PAK3: variants seen among roughly 807,000 people sequenced by gnomAD.
The protein encoded by PAK3 is p21 (RAC1) activated kinase 3, also known as serine/threonine-protein kinase PAK 3.
In PAK3, 4 loss-of-function variants were observed where a neutral mutation model predicts 41.0. The ratio of observed to expected loss-of-function variants is 0.10; its 90% CI spans 0.05 to 0.22. The LOEUF (loss-of-function observed/expected upper bound fraction) is 0.22, where lower values mean the gene tolerates loss of function less well. Ranked by LOEUF, PAK3 falls within the 10% of genes least tolerant of loss-of-function variation. The pLI, the probability that PAK3 is intolerant of heterozygous loss-of-function variation, is 1.00. For synonymous variants in PAK3, 146 were observed against 139.6 expected (o/e 1.05, Z -0.32); for missense variants, 205 against 409.9 (o/e 0.50, Z 4.32).
chrX:111,041,404 C>T (rs1356463214), intron 1 of PAK3, among the ~76,000 whole-genome samples: 2 of 111,638 alleles, frequency 1.8e-5, no homozygotes, highest in African/African-American at 6.5e-5. Context: ...TCTCCTGGGG[C>T]AGAGATTGCC....
At chrX:111,038,324 G>A (rs765119665) in intron 1 of PAK3, among the ~76,000 whole-genome samples, 46 of 112,304 alleles carry the variant, frequency 4.1e-4, no homozygotes, top group Non-Finnish European at 6.9e-4. Flanking sequence ...TGACTTTGGA[G>A]AAGTTCCTTT....
chrX:111,188,507 TA>T (rs1308965124), intron 11 of PAK3, among the ~76,000 whole-genome samples: 1 of 111,465 alleles, frequency 9.0e-6, no homozygotes, highest in Admixed American at 9.5e-5. Context: ...ACCACTTCCC[TA>T]GGGGGGGAGA....
At chrX:111,165,325 A>T (rs1051296733) in intron 10 of PAK3, among the ~76,000 whole-genome samples, 2 of 111,797 alleles carry the variant, frequency 1.8e-5, no homozygotes, top group African/African-American at 3.2e-5. Context: ...ATTCTCATTT[A>T]TTGGGCACCT....
At chrX:111,014,451 G>A (rs898193526) in intron 1 of PAK3, among the ~76,000 whole-genome samples, 2 of 111,569 alleles carry the variant, frequency 1.8e-5, no homozygotes, top group African/African-American at 6.5e-5. Context: ...TGAGAAAGTA[G>A]GGAAGCTCTG....
intron 4 of PAK3, among the ~76,000 whole-genome samples, chrX:111,105,896 G>GACTGACACATGT (rs2093250459): frequency 1.8e-5 from 2 of 111,264 alleles, no homozygotes; most frequent in Non-Finnish European, 3.8e-5. Context: ...TACACACACA[G>GACTGACACATGT]GTATAGTCAC....
chrX:110,979,244 T>G (rs760493843), intron 1 of PAK3, among the ~76,000 whole-genome samples: 1 of 110,086 alleles, frequency 9.1e-6, no homozygotes, highest in East Asian at 2.8e-4. Context: ...GTCAATTTTC[T>G]TGATCTTTTC....
intron 11 of PAK3, among the ~76,000 whole-genome samples, chrX:111,177,664 A>ATTCTAG: frequency 8.9e-6 from 1 of 112,152 alleles, no homozygotes; most frequent in Non-Finnish European, 1.9e-5. Flanking sequence ...ATAGTTATAT[A>ATTCTAG]AAATAACTTG....
chrX:111,208,945 G>C, intron 16 of PAK3, among the ~76,000 whole-genome samples: 1 of 110,382 alleles, frequency 9.1e-6, no homozygotes, highest in Non-Finnish European at 1.9e-5. Context: ...GTGTGTGTGT[G>C]TGTGTGTGTG....
chrX:111,088,405 A>C (rs1009640995), intron 1 of PAK3, among the ~76,000 whole-genome samples: 2 of 111,901 alleles, frequency 1.8e-5, no homozygotes, highest in African/African-American at 6.5e-5. Flanking sequence ...TCTATGTAAT[A>C]ATGTCCCTCC....
chrX:110,966,535 A>T (rs1052760050), intron 1 of PAK3, among the ~76,000 whole-genome samples: 9 of 111,736 alleles, frequency 8.1e-5, no homozygotes, highest in Non-Finnish European at 1.3e-4. Context: ...TACTTCTAAA[A>T]AGAAAACAAG....
At chrX:111,095,306 T>A (rs1379364690), upstream of PAK3, among the ~76,000 whole-genome samples, 1 of 112,573 alleles carries the variant, frequency 8.9e-6, no homozygotes, top group Non-Finnish European at 1.9e-5. Flanking sequence ...ATATTTTACA[T>A]CATTATAATT....
At chrX:111,008,227 C>T (rs768034105) in intron 1 of PAK3, among the ~76,000 whole-genome samples, 29 of 112,225 alleles carry the variant, frequency 2.6e-4, no homozygotes, top group Non-Finnish European at 5.3e-4. Context: ...GCCTCAGTTC[C>T]GTTACTCTTA....
chrX:111,004,075 C>T (rs953441558), intron 1 of PAK3, among the ~76,000 whole-genome samples: 1 of 112,432 alleles, frequency 8.9e-6, no homozygotes, highest in African/African-American at 3.2e-5. Flanking sequence ...TGGCATATAG[C>T]AAGTGCTCCA....
Position 111,131,624 on chromosome X carries a change from CA to C in PAK3, c.175+8350del, listed in dbSNP as rs769825462. ...TACCAAAAAAAATTTTAGGTGTAAACAAAAGAACTGATCTCTCCCTGTGTAC... is the reference window on the plus strand; with the variant it reads ...TACCAAAAAAAATTTTAGGTGTAAACAAAGAACTGATCTCTCCCTGTGTAC... On this transcript the variant is annotated intron_variant, in intron 5 of 17. Coordinates refer to ENST00000372007, the MANE Select transcript of PAK3 (RefSeq NM_002578.5). 6.7e-3 allele frequency among the ~76,000 whole-genome samples: 741 copies of C among 110,790 alleles called. 2 individuals carry two copies. The highest frequency in any genetic ancestry group is 0.014 in the Middle Eastern group (3 of 213).
At chrX:110,978,440 GATT>G (rs943114262) in intron 1 of PAK3, among the ~76,000 whole-genome samples, 2 of 110,577 alleles carry the variant, frequency 1.8e-5, no homozygotes, top group Non-Finnish European at 3.8e-5. Context: ...CAATTGATAA[GATT>G]ATATTATTTT....
chrX:110,962,643 C>A (rs1023592008), intron 1 of PAK3, among the ~76,000 whole-genome samples: 6 of 112,384 alleles, frequency 5.3e-5, no homozygotes, highest in Admixed American at 3.8e-4. Flanking sequence ...AAGTTGGGGG[C>A]AGCAGGCCGA....
At chrX:111,146,450 C>T in intron 6 of PAK3, 1 of 714,622 alleles carries the variant, frequency 1.4e-6, no homozygotes, top group Non-Finnish European at 2.2e-6. Context: ...GGTTTCATCT[C>T]CTCCCACCTT....
At chrX:111,183,819 C>A (rs1301281347) in intron 11 of PAK3, among the ~76,000 whole-genome samples, 1 of 111,597 alleles carries the variant, frequency 9.0e-6, no homozygotes, top group African/African-American at 3.2e-5. Flanking sequence ...GAGTAGTAAG[C>A]GCTTGGCCAT....
intron 1 of PAK3, among the ~76,000 whole-genome samples, chrX:110,962,268 C>T (rs1369710957): frequency 3.6e-5 from 4 of 111,963 alleles, no homozygotes. Flanking sequence ...ACTCTGACTC[C>T]ACCAAACCAG....
Sources: allele counts gnomAD v4.1 joint callset (sites outside exome capture counted in the v4.1 genomes callset), GRCh38; gene constraint gnomAD v4.1.1; transcripts MANE v1.5; gene names NCBI Gene and HGNC (gene_info 2026-07-23, HGNC 2026-07-21).